Variants in ATP6V0A4 observed in about 807,000 individuals in gnomAD.
ATP6V0A4 encodes ATPase H+ transporting V0 subunit a4.
In ATP6V0A4, 86 loss-of-function variants were observed where a neutral mutation model predicts 107.3. That is an observed-to-expected ratio of 0.80 (90% CI 0.67 to 0.96). The LOEUF is 0.96. Ranked by LOEUF, ATP6V0A4 falls within the 40% of genes least tolerant of loss-of-function variation. ATP6V0A4 has a pLI of 0.00. For missense variants in ATP6V0A4, 908 were observed against 1,045.6 expected (o/e 0.87, Z 1.81); for synonymous variants, 353 against 381.4 (o/e 0.93, Z 0.87).
chr7:138,772,533 T>C (rs1317769257), intron 2 of ATP6V0A4, among the ~76,000 whole-genome samples: 3 of 152,116 alleles, frequency 2.0e-5, no homozygotes, highest in Non-Finnish European at 4.4e-5. Context: ...CAGTCATAAG[T>C]GTGTATTGAC....
At chr7:138,747,318 T>C (rs766185421) in intron 13 of ATP6V0A4, 107 bp downstream of exon 13, 2 of 1,403,400 alleles carry the variant, frequency 1.4e-6, no homozygotes, top group Non-Finnish European at 2.0e-6. Flanking sequence ...TTACTTTCCT[T>C]CTCTCCTTTA....
At chr7:138,738,232 C>T (rs188940893) in intron 15 of ATP6V0A4, among the ~76,000 whole-genome samples, 22 of 152,262 alleles carry the variant, frequency 1.4e-4, no homozygotes, top group African/African-American at 5.1e-4. Context: ...GACATATTTT[C>T]TTTCTTTTCT....
intron 2 of ATP6V0A4, among the ~76,000 whole-genome samples, chr7:138,783,306 C>T (rs903339538): frequency 3.9e-5 from 6 of 152,012 alleles, no homozygotes; most frequent in Admixed American, 2.6e-4. Context: ...TACGGTGGCT[C>T]ACACCTATAA....
At chr7:138,793,809 A>G (rs982291161) in intron 1 of ATP6V0A4, among the ~76,000 whole-genome samples, 9 of 152,206 alleles carry the variant, frequency 5.9e-5, no homozygotes, top group Admixed American at 3.9e-4. Context: ...TGTTTTCGCC[A>G]AGAGGAAGGA....
At chr7:138,731,399 C>T (rs2117235513) in intron 17 of ATP6V0A4, among the ~76,000 whole-genome samples, 1 of 152,280 alleles carries the variant, frequency 6.6e-6, no homozygotes, top group South Asian at 2.1e-4. Flanking sequence ...CCTTGTGGAA[C>T]TAGTCACAGG....
chr7:138,774,905 A>G (rs1156908449), intron 2 of ATP6V0A4, among the ~76,000 whole-genome samples: 1 of 152,124 alleles, frequency 6.6e-6, no homozygotes, highest in Non-Finnish European at 1.5e-5. Context: ...ACAGAAGCAT[A>G]TGTGATATGT....
chr7:138,735,589 C>T (rs898192303), intron 15 of ATP6V0A4, among the ~76,000 whole-genome samples: 7 of 152,266 alleles, frequency 4.6e-5, no homozygotes, highest in Non-Finnish European at 1.0e-4. Flanking sequence ...ACTGAGGAGC[C>T]GGCTGCTGGG....
rs1806921076 is a variant in ATP6V0A4, at chr7:138,763,240, C to T, written c.292-215G>A. ...GCATGCTCTCTTAAGAGTTCCATCA[C>T]CAAACGAGAGGATTAGGAAGTACTT... On this transcript the variant is annotated intron_variant, in intron 5 of 21. Coordinates refer to ENST00000310018, the MANE Select transcript of ATP6V0A4 (RefSeq NM_020632.3). 6 of 294,482 alleles carry T rather than the reference C, an allele frequency of 2.0e-5. No individual in the cohort carries two copies. In the South Asian group the frequency reaches 7.8e-4, roughly 38 times the overall value. The allele number at this position is 294,482 out of a possible 1,614,324, so 18.2% of individuals were successfully genotyped here. A position where few individuals can be genotyped will look rare whatever the true frequency, so the allele number is the denominator to read the frequency against.
intron 10 of ATP6V0A4, 34 bp downstream of exon 10, chr7:138,755,655 G>A: frequency 1.9e-6 from 3 of 1,612,276 alleles, no homozygotes; most frequent in Non-Finnish European, 2.5e-6. Flanking sequence ...TCCTGCAGCT[G>A]CCATCAGACC....
intron 18 of ATP6V0A4, among the ~76,000 whole-genome samples, chr7:138,726,698 C>T (rs1562986034): frequency 2.6e-5 from 4 of 152,054 alleles, no homozygotes; most frequent in Non-Finnish European, 4.4e-5. Context: ...GTAATGTTTC[C>T]GACACGAAAA....
intron 7 of ATP6V0A4, among the ~76,000 whole-genome samples, chr7:138,761,442 G>A (rs2117312970): frequency 6.6e-6 from 1 of 152,118 alleles, no homozygotes; most frequent in Admixed American, 6.5e-5. Flanking sequence ...AGACCATCCT[G>A]CCTAACACGG....
intron 7 of ATP6V0A4, among the ~76,000 whole-genome samples, chr7:138,760,219 G>A (rs546681160): frequency 9.9e-5 from 15 of 152,118 alleles, no homozygotes; most frequent in Admixed American, 2.6e-4. Context: ...TGAGGCGGGC[G>A]GATCACCTGA....
intron 17 of ATP6V0A4, among the ~76,000 whole-genome samples, chr7:138,732,104 C>G (rs28654792): frequency 0.12 from 17,652 of 151,982 alleles, 1,719 homozygotes; most frequent in African/African-American, 0.26. Context: ...TTGATTCGTG[C>G]TTTTCCAGAA....
Position 138,734,200 on chromosome 7 carries a change from T to A in ATP6V0A4, c.1627A>T (p.Met543Leu). The A allele has an allele frequency of 1.2e-6, 2 of 1,613,808 alleles. No individual in the cohort carries two copies. The highest frequency in any genetic ancestry group is 1.1e-5 in the South Asian group (1 of 91,068). The part of the protein sequence containing the change: ...LTFLNSYKMK[M>L]SVILGIVQMV... The stretch of plus-strand genomic sequence containing the variant: ...TGGACAATTCCCAGGATCACCGACA[T>A]CTTCATTTTATACGAGTTCAGAAAT... Residue 543 changes from methionine to leucine, a missense_variant, in exon 16 of 22, where the codon ATG (methionine) becomes TTG (leucine). Physicochemically the swap from Met to Leu is conservative, Grantham distance 15. Coordinates refer to ENST00000310018, the MANE Select transcript of ATP6V0A4 (RefSeq NM_020632.3).
intron 16 of ATP6V0A4, among the ~76,000 whole-genome samples, chr7:138,733,459 C>T (rs1344381): frequency 0.71 from 107,132 of 151,772 alleles, 38,000 homozygotes; most frequent in East Asian, 0.81. Context: ...TAATGGGGAC[C>T]TGGAAGCTTT....
intron 1 of ATP6V0A4, among the ~76,000 whole-genome samples, chr7:138,788,418 C>T (rs1329763172): frequency 6.6e-6 from 1 of 152,134 alleles, no homozygotes; most frequent in Non-Finnish European, 1.5e-5. Context: ...CCTTAAAATG[C>T]CCTTACTTGT....
chr7:138,718,229 TGCGCGCA>T, intron 19 of ATP6V0A4, among the ~76,000 whole-genome samples: 1 of 15,440 alleles, frequency 6.5e-5, no homozygotes, highest in Non-Finnish European at 1.1e-4. Context: ...TGTGTGTGTG[TGCGCGCA>T]GTTATGGATG....
At chr7:138,771,285 G>T in intron 2 of ATP6V0A4, 21 bp from the exon 3 acceptor site, 2 of 1,608,632 alleles carry the variant, frequency 1.2e-6, no homozygotes, top group Non-Finnish European at 1.7e-6. Flanking sequence ...AAAAGAAAAA[G>T]ATATTAATAT....
In ATP6V0A4 at chr7:138,750,872, CTG is replaced by C. The variant is rs140539448; in HGVS notation, c.1030-1557_1030-1556del. Reference sequence around the variant, plus strand: ...CAAACCCTGCCTCCTGGCTATAGGACTGTAGTCAGGTTACTTCTACTTTCTGT... The same window carrying C: ...CAAACCCTGCCTCCTGGCTATAGGACTAGTCAGGTTACTTCTACTTTCTGT... On this transcript the variant is annotated intron_variant, in intron 11 of 21. Transcript: ENST00000310018. Among the ~76,000 whole-genome samples the C allele has an allele frequency of 2.3e-4, 35 of 152,332 alleles. No individual in the cohort carries two copies. In the East Asian group the frequency reaches 5.2e-3, roughly 23 times the overall value.
Sources: gnomAD v4.1 joint callset for allele counts (sites outside exome capture counted in the v4.1 genomes callset) on GRCh38, gnomAD v4.1.1 for gene constraint, MANE v1.5 for transcripts, NCBI Gene and HGNC (gene_info 2026-07-23, HGNC 2026-07-21) for gene names.